The following CIRBP variants were observed in gnomAD, a reference collection of about 807,000 sequenced individuals.
The protein encoded by CIRBP is cold inducible RNA binding protein.
In CIRBP, 11 loss-of-function variants were observed where a neutral mutation model predicts 22.3. That is an observed-to-expected ratio of 0.49 (90% CI 0.31 to 0.82). The LOEUF (loss-of-function observed/expected upper bound fraction) is 0.82, where lower values mean the gene tolerates loss of function less well. Ranked by LOEUF, CIRBP falls within the 40% of genes least tolerant of loss-of-function variation. The pLI is 0.05. For synonymous variants in CIRBP, 216 were observed against 158.8 expected (o/e 1.36, Z -2.71); for missense variants, 456 against 402.7 (o/e 1.13, Z -1.13).
chr19:1,270,900 T>C (rs1035578312), intron 1 of CIRBP, 28 bp from the exon 2 acceptor site: 1 of 1,474,604 alleles, frequency 6.8e-7, no homozygotes, highest in African/African-American at 1.4e-5. Context: ...ATGACCCCTG[T>C]TGAGGATTTC....
In CIRBP at chr19:1,273,504, G is replaced by C. The variant is rs1332539765; in HGVS notation, c.*1061G>C. The C allele has an allele frequency of 6.6e-6, 1 of 152,336 alleles. No individual in the cohort carries two copies. The highest frequency in any genetic ancestry group is 1.5e-5 in the Non-Finnish European group (1 of 68,112). 9.4% of individuals were successfully genotyped at this position (152,336 alleles called of 1,614,324 possible). A position where few individuals can be genotyped will look rare whatever the true frequency, so the allele number is the denominator to read the frequency against. ...ACTGCCTCAGTCTAGAAGCAGGCCA[G>C]AGAGCAGAGGCACGTGGCATCCCAG... On this transcript the variant is annotated 3_prime_UTR_variant, in exon 6 of 6. Coordinates refer to ENST00000587896, the MANE Select transcript of CIRBP (RefSeq NM_001300829.2).
chr19:1,274,198 G>C lies in CIRBP; in HGVS notation c.*1755G>C, dbSNP rs2081386290. ...ACGGAGCCTGAGGTCACAGCCCCCT[G>C]ACTAGCCTGAGACCTTCCTAGGGGC... On this transcript the variant is annotated 3_prime_UTR_variant, in exon 6 of 6. Transcript: ENST00000587896. The C allele has an allele frequency of 7.5e-6, 3 of 398,564 alleles. No homozygotes were observed. The highest frequency in any genetic ancestry group is 1.3e-5 in the Non-Finnish European group (3 of 225,598). The allele number at this position is 398,564 out of a possible 1,614,324, so 24.7% of individuals were successfully genotyped here.
chr19:1,270,207 G>T, intron 1 of CIRBP: 1 of 429,220 alleles, frequency 2.3e-6, no homozygotes, highest in Non-Finnish European at 4.7e-6. Flanking sequence ...TGCCCCCCAG[G>T]ACGGGGCGGC....
chr19:1,269,790 G>A (rs1223137413), intron 1 of CIRBP: 3 of 503,652 alleles, frequency 6.0e-6, no homozygotes, highest in African/African-American at 3.9e-5. Flanking sequence ...CGGCCTTGGG[G>A]CTGGAGGTAT....
In CIRBP at chr19:1,271,255, C is replaced by G; in HGVS notation, c.210+9C>G. 4 of 1,614,006 alleles carry G rather than the reference C, an allele frequency of 2.5e-6. No homozygotes were observed. The highest frequency in any genetic ancestry group is 2.5e-6 in the Non-Finnish European group (3 of 1,179,980). ...TGGCCATGAATGGGAAGGTGAGGAT[C>G]AGGGTGCTGAGCAGGAGTCCCGTCT... On this transcript the variant is annotated intron_variant, in intron 3 of 5. Coordinates refer to ENST00000587896, the MANE Select transcript of CIRBP (RefSeq NM_001300829.2).
intron 1 of CIRBP, chr19:1,270,369 C>CA (rs2081318858): frequency 2.9e-6 from 1 of 347,762 alleles, no homozygotes; most frequent in Non-Finnish European, 5.7e-6. Flanking sequence ...CAGTCCTGCC[C>CA]AGGGCACAAC....
rs1399728083 is a variant in CIRBP at position 1,272,265 on chromosome 19, C to T, written c.716C>T (p.Ala239Val). 24 of 1,611,304 alleles carry T rather than the reference C, an allele frequency of 1.5e-5. No individual in the cohort carries two copies. Among genetic ancestry groups the T allele is most frequent in the East Asian group, 2.2e-5 (1 of 44,902 alleles). Residue 239 changes from alanine to valine, a missense_variant, in exon 6 of 6, where the codon GCT (alanine) becomes GTT (valine). Coordinates refer to ENST00000587896, the MANE Select transcript of CIRBP (RefSeq NM_001300829.2). The part of the protein sequence containing the change: ...DQKGKGERGP[A>V]GQSARCMCGR... ...AAAGGCAAGGGAGAGCGAGGGCCCG[C>T]TGGGCAGTCAGCTAGGTGCATGTGT...
chr19:1,271,696 C>A, intron 5 of CIRBP, 64 bp downstream of exon 5: 1 of 1,088,724 alleles, frequency 9.2e-7, no homozygotes, highest in South Asian at 1.4e-5. Context: ...GTCCCGGGTC[C>A]CAGGTCCCTG....
At chr19:1,270,637 G>T (rs751068488) in intron 1 of CIRBP, among the ~76,000 whole-genome samples, 1 of 152,034 alleles carries the variant, frequency 6.6e-6, no homozygotes, top group Non-Finnish European at 1.5e-5. Context: ...TCCAGGCGTG[G>T]TGGTGTACAC....
chr19:1,272,317 T>G lies in CIRBP; in HGVS notation c.768T>G (p.Cys256Trp), dbSNP rs1555754789. 1 of 1,613,686 alleles carries G rather than the reference T, an allele frequency of 6.2e-7. No homozygotes were observed. Among genetic ancestry groups the G allele is most frequent in the Non-Finnish European group, 8.5e-7 (1 of 1,179,904 alleles). The change falls in exon 6 of 6, where the codon TGT (cysteine) becomes TGG (tryptophan). Residue 256 changes from cysteine to tryptophan, a missense_variant. Coordinates refer to ENST00000587896, the MANE Select transcript of CIRBP (RefSeq NM_001300829.2). ...MCGRRPASLG[C>W]GGWLLPGRRP... ...GCCGCAGGCCAGCCTCCCTCGGCTG[T>G]GGGGGGTGGTTGCTCCCCGGCCGCA...
Position 1,271,540 on chromosome 19 carries a change from T to A in CIRBP, c.350-11T>A. 1 of 1,591,472 alleles carries A rather than the reference T, an allele frequency of 6.3e-7. No homozygotes were observed. The highest frequency in any genetic ancestry group is 8.5e-7 in the Non-Finnish European group (1 of 1,169,660). On this transcript the variant is annotated splice_polypyrimidine_tract_variant and intron_variant, in intron 4 of 5. Transcript: ENST00000587896. Reference sequence around the variant, plus strand: ...GTGGGAGCTGGTACTCACTTTTTCCTGTATGTGCAGGAGGAGGGGACCGAG... The same window carrying A: ...GTGGGAGCTGGTACTCACTTTTTCCAGTATGTGCAGGAGGAGGGGACCGAG...
Position 1,271,408 on chromosome 19 carries a change from C to T in CIRBP, c.290C>T (p.Ser97Phe). ...CGATCCCGTGGGTACCGTGGTGGCT[C>T]TGCCGGGGGCCGGGGCTTCTTCCGT... is the stretch of plus-strand genomic sequence containing the variant. ...DNRSRGYRGG[S>F]AGGRGFFRGG... Residue 97 changes from serine to phenylalanine, a missense_variant, in exon 4 of 6, where the codon TCT (serine) becomes TTT (phenylalanine). Around this residue, in one of 2 missense-constraint regions of CIRBP, gnomAD observed 426 missense variants for 339.6 expected, o/e 1.25. Coordinates refer to ENST00000587896, the MANE Select transcript of CIRBP (RefSeq NM_001300829.2). 2 of 1,613,730 alleles carry T rather than the reference C, an allele frequency of 1.2e-6. No individual in the cohort carries two copies. Among genetic ancestry groups the T allele is most frequent in the Non-Finnish European group, 1.7e-6 (2 of 1,179,934 alleles).
At position 1,271,454 on chromosome 19, in the gene CIRBP, TGGGTTCTCTAGA is replaced by T; in HGVS notation, c.339_349+1del. ...TCCGTGGGGGCCGAGGACGGGGCCG[TGGGTTCTCTAGA>T]GGTGAGTGCCATGAGTGGGTCCCTT... On this transcript the variant is annotated inframe_deletion and splice_region_variant, in exon 4 of 6. Transcript: ENST00000587896. The T allele has an allele frequency of 6.2e-7, 1 of 1,609,882 alleles. No homozygotes were observed. The highest frequency in any genetic ancestry group is 1.7e-4 in the Middle Eastern group (1 of 6,030).
At chr19:1,271,821 C>A in intron 5 of CIRBP, 160 bp from the exon 6 acceptor site, 1 of 733,958 alleles carries the variant, frequency 1.4e-6, no homozygotes, top group Non-Finnish European at 2.3e-6. Flanking sequence ...GGGGGACAGG[C>A]TGGTGGAGAT....
intron 1 of CIRBP, 78 bp from the exon 2 acceptor site, chr19:1,270,850 T>C: frequency 1.1e-6 from 1 of 902,102 alleles, no homozygotes. Context: ...AAAACACATG[T>C]CATTTACATA....
rs1353821751 is a variant in CIRBP, at chr19:1,272,119, C to T, written c.570C>T (p.Pro190=). 1.3e-5 allele frequency: 21 copies of T among 1,613,724 alleles called. No individual in the cohort carries two copies. The highest frequency in any genetic ancestry group is 1.8e-5 in the Non-Finnish European group (21 of 1,179,986). ...TGGGAGCTCGGTTCACCTTGGTGCCCTCTCCAAGCACTTTAGGCTGGACAC... is the reference window on the plus strand; with the variant it reads ...TGGGAGCTCGGTTCACCTTGGTGCCTTCTCCAAGCACTTTAGGCTGGACAC... ...PAVGARFTLV[P]SPSTLGWTLR... The change falls in exon 6 of 6, where the codon CCC becomes CCT. Residue 190 remains proline, a synonymous_variant. Transcript: ENST00000587896.
At position 1,272,179 on chromosome 19, in the gene CIRBP, G is replaced by T. The variant is rs753430197; in HGVS notation, c.630G>T (p.Ala210=). ...RPCHCACPEE[A]HLSSQSHFYR... is the part of the protein sequence containing the mutation. Reference sequence around the variant, plus strand: ...GTCACTGTGCTTGCCCAGAAGAGGCGCATCTGTCCTCTCAGAGCCATTTCT... The same window carrying T: ...GTCACTGTGCTTGCCCAGAAGAGGCTCATCTGTCCTCTCAGAGCCATTTCT... The change falls in exon 6 of 6, where the codon GCG becomes GCT. Residue 210 remains alanine (A), a synonymous_variant. Coordinates refer to ENST00000587896, the MANE Select transcript of CIRBP (RefSeq NM_001300829.2). The T allele has an allele frequency of 6.2e-7, 1 of 1,600,686 alleles. No individual in the cohort carries two copies. The highest frequency in any genetic ancestry group is 8.5e-7 in the Non-Finnish European group (1 of 1,174,370).
In CIRBP at chr19:1,273,878, C is replaced by T. The variant is rs1362807011; in HGVS notation, c.*1435C>T. Reference sequence around the variant, plus strand: ...GAACTAAAGTCAGGCCCAGCCATTACGCTCCCCACGTGCAGCCAGGTGCAG... The same window carrying T: ...GAACTAAAGTCAGGCCCAGCCATTATGCTCCCCACGTGCAGCCAGGTGCAG... On this transcript the variant is annotated 3_prime_UTR_variant, in exon 6 of 6. Transcript: ENST00000587896. 8 of 164,738 alleles carry T rather than the reference C, an allele frequency of 4.9e-5. No homozygotes were observed. The highest frequency in any genetic ancestry group is 2.6e-5 in the Non-Finnish European group (2 of 76,978). 10.2% of individuals were successfully genotyped at this position (164,738 alleles called of 1,614,324 possible). A position where few individuals can be genotyped will look rare whatever the true frequency, so the allele number is the denominator to read the frequency against.
At position 1,271,558 on chromosome 19, in the gene CIRBP, G is replaced by A; in HGVS notation, c.357G>A (p.Gly119=). The change falls in exon 5 of 6, where the codon GGG becomes GGA. Residue 119 remains glycine (G), a synonymous_variant. Transcript: ENST00000587896. The part of the protein sequence containing the change: ...GRGRGFSRGG[G]DRGYGGNRFE... ...TTTTTCCTGTATGTGCAGGAGGAGG[G>A]GACCGAGGCTATGGGGGGAACCGGT... is the stretch of plus-strand genomic sequence containing the variant. The A allele has an allele frequency of 6.3e-7, 1 of 1,588,076 alleles. No homozygotes were observed. Among genetic ancestry groups the A allele is most frequent in the Non-Finnish European group, 8.6e-7 (1 of 1,167,812 alleles).
Sources: allele counts gnomAD v4.1 joint callset (sites outside exome capture counted in the v4.1 genomes callset), GRCh38; gene constraint gnomAD v4.1.1; regional missense constraint gnomAD v4.1.1; transcripts MANE v1.5; gene names NCBI Gene and HGNC (gene_info 2026-07-23, HGNC 2026-07-21).